COL21A1: variants seen among roughly 807,000 people sequenced by gnomAD.
COL21A1 encodes the protein collagen type XXI alpha 1 chain, also known as collagen alpha-1(XXI) chain.
Under a neutral mutation model 137.9 loss-of-function variants are expected in COL21A1, and 149 were observed. The observed-to-expected ratio is 1.08, with a 90% confidence interval of 0.95 to 1.24. The LOEUF is 1.24. COL21A1 is among the 50% of genes most tolerant of loss of function. The pLI is 0.00. For synonymous variants in COL21A1, 456 were observed against 391.5 expected, an observed-to-expected ratio of 1.16 and a Z score of -1.95; for missense variants, 1,167 against 1,158.4, an observed-to-expected ratio of 1.01 and a Z score of -0.11.
intron 17 of COL21A1, among the ~76,000 whole-genome samples, chr6:56,081,121 A>C (rs1767720004): frequency 6.6e-6 from 1 of 151,890 alleles, no homozygotes; most frequent in Non-Finnish European, 1.5e-5. Flanking sequence ...ACAATGAACA[A>C]ATTTTTATAA....
At chr6:56,269,377 C>T (rs997695641) in intron 1 of COL21A1, among the ~76,000 whole-genome samples, 5 of 151,946 alleles carry the variant, frequency 3.3e-5, no homozygotes, top group South Asian at 2.1e-4. Flanking sequence ...ACAGGTCGGC[C>T]GGGCGCGGTG....
chr6:56,383,362 GATTAAGGTTTCAACAT>G (rs1307413529), intron 1 of COL21A1, among the ~76,000 whole-genome samples: 1 of 152,188 alleles, frequency 6.6e-6, no homozygotes, highest in East Asian at 1.9e-4. Flanking sequence ...ATCATACTGG[GATTAAGGTTTCAACAT>G]ATGAATTTGG....
chr6:56,254,270 T>G (rs1209782404), intron 1 of COL21A1, among the ~76,000 whole-genome samples: 6 of 152,234 alleles, frequency 3.9e-5, no homozygotes, highest in African/African-American at 7.2e-5. Flanking sequence ...AGATGCTTCT[T>G]TGTGGTAACC....
At chr6:56,206,843 C>A (rs998415479) in intron 1 of COL21A1, among the ~76,000 whole-genome samples, 5 of 151,694 alleles carry the variant, frequency 3.3e-5, no homozygotes, top group African/African-American at 9.7e-5. Context: ...AACAGTCTCT[C>A]AGACCAAAGT....
At chr6:56,210,803 T>C (rs953793506) in intron 1 of COL21A1, among the ~76,000 whole-genome samples, 2 of 152,106 alleles carry the variant, frequency 1.3e-5, no homozygotes, top group African/African-American at 4.8e-5. Flanking sequence ...CAGTGAAATC[T>C]AGAAATTCTA....
rs897497601 is a variant in COL21A1, at chr6:56,228,658, C to A, written c.-39+18729G>T. On this transcript the variant is annotated intron_variant, in intron 1 of 29. Transcript: ENST00000244728. ...CTTACTTGACAGGTGAATATATAGA[C>A]CCCCTGTGTGCCAGGATTTGAGTAA... is the stretch of plus-strand genomic sequence containing the variant. Among the ~76,000 whole-genome samples the A allele has an allele frequency of 4.6e-5, 7 of 151,238 alleles. No homozygotes were observed. The South Asian group carries it at 6.3e-4, about 14-fold the overall frequency.
At chr6:56,335,769 T>C (rs867884484) in intron 1 of COL21A1, among the ~76,000 whole-genome samples, 5 of 152,236 alleles carry the variant, frequency 3.3e-5, no homozygotes, top group Non-Finnish European at 7.3e-5. Context: ...GTTTGGGCTT[T>C]ATTTATTCCC....
At chr6:56,383,968 A>G (rs1167714337) in intron 1 of COL21A1, among the ~76,000 whole-genome samples, 2 of 149,358 alleles carry the variant, frequency 1.3e-5, no homozygotes, top group Admixed American at 6.9e-5. Flanking sequence ...CACAAATCCA[A>G]AGATGTGAGA....
At chr6:56,390,201 T>C (rs1283063482) in intron 1 of COL21A1, among the ~76,000 whole-genome samples, 1 of 146,774 alleles carries the variant, frequency 6.8e-6, no homozygotes, top group Non-Finnish European at 1.5e-5. Flanking sequence ...GTGCAGAGTT[T>C]TTTTAGTTTT....
chr6:56,301,175 C>T (rs1000780223), intron 1 of COL21A1, among the ~76,000 whole-genome samples: 1 of 152,162 alleles, frequency 6.6e-6, no homozygotes, highest in Non-Finnish European at 1.5e-5. Flanking sequence ...GCAAAAGAGA[C>T]TCTAAAGATG....
chr6:56,300,429 A>C (rs1392895898), intron 1 of COL21A1, among the ~76,000 whole-genome samples: 1 of 152,136 alleles, frequency 6.6e-6, no homozygotes, highest in Non-Finnish European at 1.5e-5. Flanking sequence ...TGCTTACTTT[A>C]TTTTAAAAAT....
chr6:56,104,164 A>G (rs1252339626), intron 16 of COL21A1, among the ~76,000 whole-genome samples: 1 of 152,174 alleles, frequency 6.6e-6, no homozygotes, highest in Non-Finnish European at 1.5e-5. Context: ...TTAATCACCT[A>G]CAATACTTAG....
Position 56,346,651 on chromosome 6 carries a change from T to TA in COL21A1, c.-39+47319dup, listed in dbSNP as rs1029317199. Among the ~76,000 whole-genome samples the TA allele has an allele frequency of 3.6e-4, 54 of 152,038 alleles. 1 individual carries two copies. The highest frequency in any genetic ancestry group is 1.3e-3 in the African/African-American group (52 of 41,390). Reference sequence around the variant, plus strand: ...CAATGATAGCAGAAGAAAAACACATTAAAAAATAAAAAGTAGTTCAGTATG... The same window carrying TA: ...CAATGATAGCAGAAGAAAAACACATTAAAAAAATAAAAAGTAGTTCAGTATG... On this transcript the variant is annotated intron_variant, in intron 1 of 28. Transcript: ENST00000370819.
intron 17 of COL21A1, among the ~76,000 whole-genome samples, chr6:56,081,376 C>T (rs890529528): frequency 6.6e-6 from 1 of 151,714 alleles, no homozygotes; most frequent in Non-Finnish European, 1.5e-5. Context: ...GTCGGCATTG[C>T]CCCCCATTCA....
At chr6:56,262,890 A>G (rs1434865991) in intron 1 of COL21A1, among the ~76,000 whole-genome samples, 1 of 152,228 alleles carries the variant, frequency 6.6e-6, no homozygotes, top group Admixed American at 6.5e-5. Flanking sequence ...AAGCAAGGTG[A>G]GGACACAGAC....
At chr6:56,183,874 G>C (rs1345678660) in intron 1 of COL21A1, among the ~76,000 whole-genome samples, 1 of 152,028 alleles carries the variant, frequency 6.6e-6, no homozygotes, top group African/African-American at 2.4e-5. Context: ...AAGATACAAA[G>C]AAAAATGCTT....
intron 1 of COL21A1, among the ~76,000 whole-genome samples, chr6:56,198,689 T>C (rs1013068016): frequency 2.0e-5 from 3 of 152,140 alleles, no homozygotes; most frequent in South Asian, 2.1e-4. Flanking sequence ...GGCCATGCTT[T>C]CAGATCTATT....
chr6:56,089,044 C>T (rs551169374), intron 17 of COL21A1, among the ~76,000 whole-genome samples: 2 of 152,168 alleles, frequency 1.3e-5, no homozygotes, highest in South Asian at 2.1e-4. Flanking sequence ...CCCCCCTTAA[C>T]TCCCAAAATG....
At chr6:56,227,391 T>C (rs1381480946) in intron 1 of COL21A1, among the ~76,000 whole-genome samples, 1 of 152,038 alleles carries the variant, frequency 6.6e-6, no homozygotes, top group East Asian at 1.9e-4. Context: ...TCCCATACGC[T>C]TGTTAAGCCT....
Sources: gnomAD v4.1 joint callset for allele counts (sites outside exome capture counted in the v4.1 genomes callset) on GRCh38, gnomAD v4.1.1 for gene constraint, MANE v1.5 for transcripts, NCBI Gene and HGNC (gene_info 2026-07-23, HGNC 2026-07-21) for gene names.